Variants in TBCD observed in about 807,000 individuals in gnomAD.
TBCD encodes tubulin-specific chaperone D.
In TBCD, 105 loss-of-function variants were observed where a neutral mutation model predicts 169.3. That is an observed-to-expected ratio of 0.62 (90% CI 0.53 to 0.73). The LOEUF (loss-of-function observed/expected upper bound fraction) is 0.73, where lower values mean the gene tolerates loss of function less well. Ranked by LOEUF, TBCD falls within the 30% of genes least tolerant of loss-of-function variation. The pLI, the probability that TBCD is intolerant of heterozygous loss-of-function variation, is 0.00. For missense variants in TBCD, 1,444 were observed against 1,600.1 expected, an observed-to-expected ratio of 0.90 and a Z score of 1.66; for synonymous variants, 700 against 643.9, an observed-to-expected ratio of 1.09 and a Z score of -1.32.
At chr17:82,844,181 T>G (rs551762280) in intron 13 of TBCD, among the ~76,000 whole-genome samples, 12 of 126,894 alleles carry the variant, frequency 9.5e-5, no homozygotes, top group Middle Eastern at 3.8e-3. Context: ...TAGTGGGGAG[T>G]GGAGGAGTGG....
At chr17:82,794,909 C>T (rs1034642383) in intron 7 of TBCD, among the ~76,000 whole-genome samples, 4 of 152,166 alleles carry the variant, frequency 2.6e-5, no homozygotes, top group Non-Finnish European at 5.9e-5. Flanking sequence ...GACCCTTCGC[C>T]CTGTAAATGT....
chr17:82,803,824 CG>C (rs2144728152), intron 9 of TBCD, among the ~76,000 whole-genome samples: 1 of 145,796 alleles, frequency 6.9e-6, no homozygotes, highest in Admixed American at 6.9e-5. Context: ...TGCGCGCTTG[CG>C]TGAGGAGAAT....
chr17:82,860,504 G>T, intron 13 of TBCD: 5 of 920,500 alleles, frequency 5.4e-6, no homozygotes, highest in Non-Finnish European at 6.5e-6. Context: ...TGATTAATTT[G>T]CAAACAGCAA....
At chr17:82,925,398 C>T (rs557158886) in intron 27 of TBCD, among the ~76,000 whole-genome samples, 19 of 152,274 alleles carry the variant, frequency 1.2e-4, no homozygotes, top group Admixed American at 5.2e-4. Context: ...GTTTTGGTTG[C>T]GGCCGTGCAT....
intron 13 of TBCD, among the ~76,000 whole-genome samples, chr17:82,826,085 C>G (rs2052818952): frequency 6.6e-6 from 1 of 152,188 alleles, no homozygotes; most frequent in Non-Finnish European, 1.5e-5. Flanking sequence ...TAATGTATTT[C>G]TGTGCCTAAG....
At chr17:82,813,952 T>C (rs1407883967) in intron 12 of TBCD, among the ~76,000 whole-genome samples, 3 of 152,214 alleles carry the variant, frequency 2.0e-5, no homozygotes, top group African/African-American at 7.2e-5. Context: ...AGTATTCTTG[T>C]CCATACTGAT....
At position 82,932,235 on chromosome 17, in the gene TBCD, ACG is replaced by A. The variant is rs888409424; in HGVS notation, c.3114-420_3114-419del. The A allele has an allele frequency of 3.3e-4, 95 of 289,836 alleles. 1 individual carries two copies. Among genetic ancestry groups the A allele is most frequent in the Middle Eastern group, 1.2e-3 (1 of 834 alleles). The allele number at this position is 289,836 out of a possible 1,614,324, so 18.0% of individuals were successfully genotyped here. A position where few individuals can be genotyped will look rare whatever the true frequency, so the allele number is the denominator to read the frequency against. Reference sequence around the variant, plus strand: ...TTTGGGTTGTGTATTTAGACCTGGGACGCGTCTTGAGTGAGGTTTCTTACATG... The same window carrying A: ...TTTGGGTTGTGTATTTAGACCTGGGACGTCTTGAGTGAGGTTTCTTACATG... On this transcript the variant is annotated intron_variant, in intron 33 of 38. Transcript: ENST00000355528.
intron 13 of TBCD, chr17:82,839,034 T>C (rs2054230628): frequency 2.1e-6 from 2 of 944,600 alleles, no homozygotes; most frequent in African/African-American, 3.5e-5. Context: ...TGTATCTGTG[T>C]CTATATGTAC....
chr17:82,813,268 C>G (rs1317123005), intron 12 of TBCD, among the ~76,000 whole-genome samples: 1 of 152,142 alleles, frequency 6.6e-6, no homozygotes, highest in Non-Finnish European at 1.5e-5. Flanking sequence ...CTTTACCCGC[C>G]TCCTCTCTCT....
At chr17:82,846,213 C>T (rs1393371842) in intron 13 of TBCD, among the ~76,000 whole-genome samples, 1 of 152,146 alleles carries the variant, frequency 6.6e-6, no homozygotes, top group Admixed American at 6.5e-5. Context: ...GTCCGGCATG[C>T]CACGTCCCCT....
chr17:82,907,794 G>T lies in TBCD; in HGVS notation c.1956G>T (p.Val652=). Residue 652 remains valine (V), a synonymous_variant, in exon 21 of 39, where the codon GTG becomes GTT. Transcript: ENST00000355528. The part of the protein sequence containing the change: ...PVTDHLDEQA[V]QGLKQIHQQL... ...CGGACCATCTGGACGAGCAGGCAGT[G>T]CAGGGCCTGAAGCAGATTCACCAGC... 6.2e-7 allele frequency: 1 copy of T among 1,613,714 alleles called. No individual in the cohort carries two copies. Among genetic ancestry groups the T allele is most frequent in the Non-Finnish European group, 8.5e-7 (1 of 1,179,764 alleles).
intron 38 of TBCD, 183 bp from the exon 39 acceptor site, chr17:82,942,266 G>T (rs549542216): frequency 1.3e-6 from 1 of 750,690 alleles, no homozygotes; most frequent in Non-Finnish European, 2.2e-6. Flanking sequence ...CCGAGGACAC[G>T]TTAGTCATGA....
chr17:82,799,861 C>T (rs2050379444), intron 8 of TBCD, among the ~76,000 whole-genome samples: 1 of 152,234 alleles, frequency 6.6e-6, no homozygotes, highest in African/African-American at 2.4e-5. Context: ...TACTCAGATG[C>T]TCTTTCAGCT....
At chr17:82,855,235 CTTTTTTTTTTTTTTTTTTTTTTTT>C (rs58346723) in intron 13 of TBCD, among the ~76,000 whole-genome samples, 1 of 54,030 alleles carries the variant, frequency 1.9e-5, no homozygotes, top group African/African-American at 6.5e-5. Context: ...AAGGTGTTTG[CTTTTTTTTTTTTTTTTTTTTTTTT>C]TTTTTTTTTT....
chr17:82,912,166 C>T (rs531083737), intron 23 of TBCD, among the ~76,000 whole-genome samples: 2 of 151,622 alleles, frequency 1.3e-5, no homozygotes, highest in East Asian at 1.9e-4. Context: ...CAGCCCTGGT[C>T]GTGCCCTGTG....
At chr17:82,859,961 C>T (rs1021328226) in intron 13 of TBCD, 3 of 908,872 alleles carry the variant, frequency 3.3e-6, no homozygotes, top group South Asian at 5.1e-5. Context: ...CCTCGTGGTC[C>T]TGCTCTTGGG....
At chr17:82,764,416 A>C (rs183405020) in intron 3 of TBCD, among the ~76,000 whole-genome samples, 1 of 152,282 alleles carries the variant, frequency 6.6e-6, no homozygotes, top group Non-Finnish European at 1.5e-5. Flanking sequence ...AGGCTGAGGC[A>C]GGTGGATCAC....
intron 13 of TBCD, among the ~76,000 whole-genome samples, chr17:82,861,353 AG>A (rs2056750695): frequency 1.2e-5 from 1 of 83,882 alleles, no homozygotes; most frequent in Admixed American, 1.3e-4. Flanking sequence ...GGTTCACGTC[AG>A]CCGCTGGTTC....
chr17:82,752,284 G>C lies in TBCD; in HGVS notation c.91G>C (p.Gly31Arg). 2 of 1,513,768 alleles carry C rather than the reference G, an allele frequency of 1.3e-6. No individual in the cohort carries two copies. Among genetic ancestry groups the C allele is most frequent in the Middle Eastern group, 2.3e-4 (1 of 4,372 alleles). 93.8% of individuals were successfully genotyped at this position (1,513,768 alleles called of 1,614,324 possible). A position where few individuals can be genotyped will look rare whatever the true frequency, so the allele number is the denominator to read the frequency against. ...LAFGAALEAFGESAETRALLG... is the reference protein window; with the variant it reads ...LAFGAALEAFRESAETRALLG... ...CTTTGGCGCGGCGCTGGAAGCGTTC[G>C]GCGAGAGCGCGGAGACCCGGGCGCT... Residue 31 changes from glycine (G) to arginine (R), a missense_variant, in exon 1 of 39, where the codon GGC becomes CGC. By Grantham distance (125) the Gly-to-Arg change is moderately radical. Coordinates refer to ENST00000355528, the MANE Select transcript of TBCD (RefSeq NM_005993.5).
Sources: gnomAD v4.1 joint callset for allele counts (sites outside exome capture counted in the v4.1 genomes callset) on GRCh38, gnomAD v4.1.1 for gene constraint, MANE v1.5 for transcripts, NCBI Gene and HGNC (gene_info 2026-07-23, HGNC 2026-07-21) for gene names.